TNFSF4: variants seen among roughly 807,000 people sequenced by gnomAD.
TNFSF4 encodes TNF superfamily member 4.
Under a neutral mutation model 7.3 loss-of-function variants are expected in TNFSF4, and 4 were observed. The observed-to-expected ratio is 0.55, with a 90% CI of 0.27 to 1.25. TNFSF4 has a LOEUF of 1.25. Among genes scored for constraint, TNFSF4 ranks in the 50% most tolerant of loss-of-function variants. TNFSF4 has a pLI of 0.12. For missense variants in TNFSF4, 181 were observed against 208.8 expected (o/e 0.87, Z 0.82); for synonymous variants, 76 against 83.7 (o/e 0.91, Z 0.50).
chr1:173,188,638 A>C, intron 1 of TNFSF4, 69 bp from the exon 2 acceptor site: 1 of 1,326,644 alleles, frequency 7.5e-7, no homozygotes, highest in Non-Finnish European at 1.1e-6. Flanking sequence ...AGTCATATTT[A>C]ATGGAACAGT....
chr1:173,218,236 T>G, the TNFSF4 span, among the ~76,000 whole-genome samples: 1 of 152,144 alleles, frequency 6.6e-6, no homozygotes, highest in African/African-American at 2.4e-5. Flanking sequence ...CTGTCAGCTG[T>G]TCTCTCTCTG....
At chr1:173,304,056 A>G in the TNFSF4 span, among the ~76,000 whole-genome samples, 1 of 151,928 alleles carries the variant, frequency 6.6e-6, no homozygotes. Flanking sequence ...TTTCTGCTAT[A>G]AAGGTGTGAA....
At chr1:173,402,731 T>A in the TNFSF4 span, among the ~76,000 whole-genome samples, 2 of 152,158 alleles carry the variant, frequency 1.3e-5, no homozygotes, top group East Asian at 3.8e-4. Flanking sequence ...GGGCCAGAAA[T>A]CTGTAAGGAC....
chr1:173,250,701 C>T, the TNFSF4 span, among the ~76,000 whole-genome samples: 5 of 152,146 alleles, frequency 3.3e-5, no homozygotes, highest in Middle Eastern at 3.4e-3. Flanking sequence ...CCTCGTGATC[C>T]GCCCACCTCG....
upstream of TNFSF4, among the ~76,000 whole-genome samples, chr1:173,210,834 C>T (rs1650351767): frequency 6.6e-6 from 1 of 152,106 alleles, no homozygotes; most frequent in Non-Finnish European, 1.5e-5. Context: ...ATCTAAAATT[C>T]CACCTCTGCA....
the TNFSF4 span, among the ~76,000 whole-genome samples, chr1:173,376,670 T>C: frequency 6.6e-6 from 1 of 152,120 alleles, no homozygotes. Flanking sequence ...CAATCAGCAC[T>C]CTGTAAAATG....
intron 1 of TNFSF4, among the ~76,000 whole-genome samples, chr1:173,189,847 C>A (rs911875485): frequency 6.6e-6 from 1 of 152,042 alleles, no homozygotes; most frequent in Non-Finnish European, 1.5e-5. Flanking sequence ...TTGACCTCTA[C>A]TTTTCATGGT....
At chr1:173,236,330 T>G in the TNFSF4 span, among the ~76,000 whole-genome samples, 30 of 151,972 alleles carry the variant, frequency 2.0e-4, no homozygotes, top group Non-Finnish European at 4.0e-4. Flanking sequence ...TGATCCTTGG[T>G]TCCATTATAT....
the TNFSF4 span, among the ~76,000 whole-genome samples, chr1:173,403,585 A>G: frequency 6.6e-6 from 1 of 152,206 alleles, no homozygotes; most frequent in Non-Finnish European, 1.5e-5. Context: ...CAAAACCCTG[A>G]GTAGTCTTTC....
chr1:173,293,434 G>A, the TNFSF4 span, among the ~76,000 whole-genome samples: 2,854 of 152,020 alleles, frequency 0.019, 92 homozygotes, highest in African/African-American at 0.066. Flanking sequence ...GATTGAAACC[G>A]GACCCCTACT....
the TNFSF4 span, among the ~76,000 whole-genome samples, chr1:173,368,692 C>T: frequency 2.0e-5 from 3 of 151,712 alleles, no homozygotes; most frequent in Non-Finnish European, 2.9e-5. Flanking sequence ...CATTCAGCTT[C>T]GGGGTCCCGA....
intron 1 of TNFSF4, among the ~76,000 whole-genome samples, chr1:173,203,752 C>G (rs1006656216): frequency 1.3e-5 from 2 of 152,040 alleles, no homozygotes; most frequent in Non-Finnish European, 2.9e-5. Flanking sequence ...TCACTAAAAG[C>G]CTTCAGGTCT....
chr1:173,435,229 A>C, the TNFSF4 span, among the ~76,000 whole-genome samples: 2 of 152,256 alleles, frequency 1.3e-5, no homozygotes, highest in African/African-American at 4.8e-5. Context: ...AGAGATACTC[A>C]TCAATAGATA....
chr1:173,444,563 A>G, the TNFSF4 span, among the ~76,000 whole-genome samples: 1 of 152,010 alleles, frequency 6.6e-6, no homozygotes, highest in South Asian at 2.1e-4. Context: ...AATGATTATA[A>G]TCCCTTTAAA....
chr1:173,368,481 G>A, the TNFSF4 span, among the ~76,000 whole-genome samples: 1 of 152,136 alleles, frequency 6.6e-6, no homozygotes, highest in Non-Finnish European at 1.5e-5. Flanking sequence ...TCAGAATTCG[G>A]GGGCTAAATA....
chr1:173,340,797 T>C, the TNFSF4 span, among the ~76,000 whole-genome samples: 2 of 152,008 alleles, frequency 1.3e-5, no homozygotes, highest in African/African-American at 4.8e-5. Flanking sequence ...TCCTTCTTTG[T>C]CCATTATCCA....
chr1:173,409,842 C>A, the TNFSF4 span, among the ~76,000 whole-genome samples: 2 of 152,202 alleles, frequency 1.3e-5, no homozygotes, highest in African/African-American at 4.8e-5. Flanking sequence ...CCGCAGCTCT[C>A]CATGCTTCCT....
the TNFSF4 span, among the ~76,000 whole-genome samples, chr1:173,365,480 CTTTCA>C: frequency 6.6e-6 from 1 of 152,138 alleles, no homozygotes; most frequent in African/African-American, 2.4e-5. Flanking sequence ...TATCAAGTGT[CTTTCA>C]TATATCAACT....
chr1:173,254,729 TAATTGCA>T, the TNFSF4 span, among the ~76,000 whole-genome samples: 46 of 152,324 alleles, frequency 3.0e-4, no homozygotes, highest in African/African-American at 1.1e-3. Flanking sequence ...TTATTGTTAA[TAATTGCA>T]AATTAGAAGC....
Sources: gnomAD v4.1 joint callset for allele counts (sites outside exome capture counted in the v4.1 genomes callset) on GRCh38, gnomAD v4.1.1 for gene constraint, MANE v1.5 for transcripts, NCBI Gene and HGNC (gene_info 2026-07-23, HGNC 2026-07-21) for gene names.